Variants in NUP210L observed in about 807,000 individuals in gnomAD.
NUP210L encodes nucleoporin 210 like.
NUP210L carries 74 observed loss-of-function variants against 208.5 expected under a neutral mutation model. That is an observed-to-expected ratio of 0.35 (90% CI 0.29 to 0.43). NUP210L has a LOEUF of 0.43. Among genes scored for constraint, NUP210L ranks in the 20% least tolerant of loss-of-function variants. The pLI, the probability that NUP210L is intolerant of heterozygous loss-of-function variation, is 1.00. For missense variants in NUP210L, 1,843 were observed against 2,289.4 expected, an observed-to-expected ratio of 0.81 and a Z score of 3.98; for synonymous variants, 780 against 816.9, an observed-to-expected ratio of 0.95 and a Z score of 0.77.
chr1:154,087,320 C>CA (rs1185085313), intron 16 of NUP210L, among the ~76,000 whole-genome samples: 13,472 of 59,264 alleles, frequency 0.23, 1,251 homozygotes, highest in African/African-American at 0.31. Context: ...AGCTCCATCT[C>CA]AAAAAAAAAA....
intron 27 of NUP210L, among the ~76,000 whole-genome samples, chr1:154,043,758 C>G (rs754069141): frequency 1.8e-4 from 27 of 151,564 alleles, no homozygotes; most frequent in Non-Finnish European, 2.6e-4. Context: ...TCTCAAGTAG[C>G]TGGGATTACA....
chr1:154,052,044 C>T lies in NUP210L; in HGVS notation c.3483+2184G>A, dbSNP rs371237791. The stretch of plus-strand genomic sequence containing the variant: ...GGAGAAACAGGGACTACGGGACCCC[C>T]GTATGCAACTGAATCTAGCATTATT... On this transcript the variant is annotated intron_variant, in intron 25 of 39. Coordinates refer to ENST00000368559, the Ensembl canonical transcript of NUP210L. Among the ~76,000 whole-genome samples, 18 of 152,304 alleles carry T rather than the reference C, an allele frequency of 1.2e-4. No individual in the cohort carries two copies. In the East Asian group the frequency reaches 1.9e-3, roughly 16 times the overall value.
Position 154,138,126 on chromosome 1 carries a change from AT to A in NUP210L, c.829del (p.Met277TrpfsTer6). 6.6e-7 allele frequency: 1 copy of A among 1,506,280 alleles called. No homozygotes were observed. The highest frequency in any genetic ancestry group is 8.8e-7 in the Non-Finnish European group (1 of 1,137,974). The allele number at this position is 1,506,280 out of a possible 1,614,324, so 93.3% of individuals were successfully genotyped here. On this transcript the variant is annotated frameshift_variant, in exon 6 of 40. Transcript: ENST00000368559. LOFTEE classifies it high-confidence loss of function. Reference sequence around the variant, plus strand: ...CTTACCTGTCACTCTCCCTTGAACCATTTTTGCAACTTGGTATTTAATATAT... The same window carrying A: ...CTTACCTGTCACTCTCCCTTGAACCATTTTGCAACTTGGTATTTAATATAT...
intron 25 of NUP210L, among the ~76,000 whole-genome samples, chr1:154,052,225 G>A (rs1653545596): frequency 6.6e-6 from 1 of 152,170 alleles, no homozygotes. Flanking sequence ...ATAACTTGGG[G>A]TAGAGGTTAT....
intron 16 of NUP210L, among the ~76,000 whole-genome samples, chr1:154,080,682 C>CAAAT (rs543606840): frequency 2.3e-4 from 34 of 150,412 alleles, no homozygotes; most frequent in South Asian, 8.4e-4. Context: ...GAGACCATCT[C>CAAAT]AAATAAATAA....
intron 27 of NUP210L, among the ~76,000 whole-genome samples, chr1:154,038,722 A>G (rs941305185): frequency 6.6e-6 from 1 of 152,128 alleles, no homozygotes; most frequent in African/African-American, 2.4e-5. Flanking sequence ...CAACCTCCCA[A>G]AGTGCTGGGA....
intron 16 of NUP210L, among the ~76,000 whole-genome samples, chr1:154,071,857 C>T (rs1251014213): frequency 6.6e-6 from 1 of 151,832 alleles, no homozygotes; most frequent in African/African-American, 2.4e-5. Flanking sequence ...AGGATGGTCT[C>T]AATCCCCTGA....
chr1:153,995,198 C>T lies in NUP210L; in HGVS notation c.5387-18G>A. The T allele has an allele frequency of 1.3e-6, 2 of 1,553,736 alleles. No homozygotes were observed. The highest frequency in any genetic ancestry group is 1.8e-6 in the Non-Finnish European group (2 of 1,130,602). Reference sequence around the variant, plus strand: ...ACAGTGATCTATACATTGGCCATAACAAAACAAGATAATAGTTAATAGCAA... The same window carrying T: ...ACAGTGATCTATACATTGGCCATAATAAAACAAGATAATAGTTAATAGCAA... On this transcript the variant is annotated intron_variant, in intron 37 of 39. Coordinates refer to ENST00000368559, the Ensembl canonical transcript of NUP210L.
At position 153,997,696 on chromosome 1, in the gene NUP210L, T is replaced by TG. The variant is rs1176179800; in HGVS notation, c.5387-2517_5387-2516insC. On this transcript the variant is annotated intron_variant, in intron 37 of 39. Transcript: ENST00000368559. ...CAGGCTGGTGATTACTGTATTTGTTTTTTTTTTTTTTTTTGAGACAGAGTC... is the reference window on the plus strand; with the variant it reads ...CAGGCTGGTGATTACTGTATTTGTTTGTTTTTTTTTTTTTTGAGACAGAGTC... 1.6e-4 allele frequency among the ~76,000 whole-genome samples: 23 copies of TG among 146,612 alleles called. No homozygotes were observed. In the East Asian group the frequency reaches 3.6e-3, roughly 23 times the overall value.
intron 25 of NUP210L, among the ~76,000 whole-genome samples, chr1:154,052,350 C>T (rs1399795718): frequency 1.3e-5 from 2 of 152,122 alleles, no homozygotes; most frequent in Non-Finnish European, 2.9e-5. Flanking sequence ...CCGAGGATCC[C>T]CTGGTTGCAG....
chr1:154,143,345 TA>T, intron 3 of NUP210L, 100 bp downstream of exon 3: 1 of 903,088 alleles, frequency 1.1e-6, no homozygotes, highest in South Asian at 1.7e-5. Flanking sequence ...ATATTACTTC[TA>T]ATCTACTTTT....
At chr1:154,006,660 AT>A (rs2147897662) in intron 35 of NUP210L, among the ~76,000 whole-genome samples, 1 of 149,852 alleles carries the variant, frequency 6.7e-6, no homozygotes, top group African/African-American at 2.5e-5. Context: ...TGCCCGGCTA[AT>A]TTTTGTATTT....
At chr1:154,125,626 G>T (rs555078567) in intron 10 of NUP210L, among the ~76,000 whole-genome samples, 1 of 632 alleles carries the variant, frequency 1.6e-3, no homozygotes, top group Non-Finnish European at 6.6e-3. Context: ...TCTCTGAAAG[G>T]AAGGAAGGAA....
intron 37 of NUP210L, among the ~76,000 whole-genome samples, chr1:153,998,554 A>C (rs1383504215): frequency 7.5e-6 from 1 of 133,868 alleles, no homozygotes; most frequent in African/African-American, 2.8e-5. Flanking sequence ...GTTCTGTCTC[A>C]AAAAAAAAAA....
intron 30 of NUP210L, among the ~76,000 whole-genome samples, chr1:154,024,922 GTTTTTTTTTTTT>G (rs71096508): frequency 2.4e-5 from 2 of 83,688 alleles, no homozygotes; most frequent in Admixed American, 1.4e-4. Flanking sequence ...AGGCTGATCT[GTTTTTTTTTTTT>G]TTTTTTTTTT....
chr1:154,125,671 A>G (rs1368187465), intron 10 of NUP210L, among the ~76,000 whole-genome samples: 10 of 3,428 alleles, frequency 2.9e-3, no homozygotes, highest in Admixed American at 5.8e-3. Context: ...GGAAGGAAGG[A>G]AGGAAGGAAG....
intron 27 of NUP210L, among the ~76,000 whole-genome samples, chr1:154,038,255 C>T (rs1382235515): frequency 6.6e-6 from 1 of 152,016 alleles, no homozygotes; most frequent in South Asian, 2.1e-4. Context: ...ACCTCAGCCT[C>T]CTGAGTAGCT....
intron 10 of NUP210L, among the ~76,000 whole-genome samples, chr1:154,123,959 G>A (rs575714210): frequency 2.0e-5 from 3 of 151,368 alleles, no homozygotes; most frequent in African/African-American, 4.8e-5. Context: ...CAAGGTGGGC[G>A]GATCACAAGG....
chr1:154,015,527 C>T (rs1651188361), intron 33 of NUP210L, among the ~76,000 whole-genome samples: 1 of 151,892 alleles, frequency 6.6e-6, no homozygotes, highest in Admixed American at 6.6e-5. Context: ...TCGAGACAAG[C>T]CTGGCCAACA....
Sources: gnomAD v4.1 joint callset for allele counts (sites outside exome capture counted in the v4.1 genomes callset) on GRCh38, gnomAD v4.1.1 for gene constraint, MANE v1.5 for transcripts, NCBI Gene and HGNC (gene_info 2026-07-23, HGNC 2026-07-21) for gene names.